Variants in CDH4 observed in about 807,000 individuals in gnomAD.
CDH4 encodes the protein cadherin 4, also known as cadherin-4.
A neutral mutation model predicts 86.0 loss-of-function variants in CDH4; 33 were observed. The ratio of observed to expected loss-of-function variants is 0.38; its 90% CI spans 0.29 to 0.51. The LOEUF (loss-of-function observed/expected upper bound fraction) is 0.51. Ranked by LOEUF, CDH4 falls within the 20% of genes least tolerant of loss-of-function variation. The pLI is 0.86. For missense variants in CDH4, 1,114 were observed against 1,307.4 expected, an observed-to-expected ratio of 0.85 and a Z score of 2.28; for synonymous variants, 555 against 549.4, an observed-to-expected ratio of 1.01 and a Z score of -0.14.
chr20:61,598,904 G>A (rs1306190669), intron 2 of CDH4, among the ~76,000 whole-genome samples: 2 of 152,238 alleles, frequency 1.3e-5, no homozygotes, highest in African/African-American at 4.8e-5. Context: ...ACACTGCGCA[G>A]CCTGGGCGTC....
At chr20:61,924,685 A>C (rs1236187044) in intron 11 of CDH4, among the ~76,000 whole-genome samples, 1 of 146,988 alleles carries the variant, frequency 6.8e-6, no homozygotes, top group Non-Finnish European at 1.5e-5. Flanking sequence ...CCCTCCACCC[A>C]CTCCCATGTC....
At chr20:61,543,372 T>C (rs568691151) in intron 2 of CDH4, among the ~76,000 whole-genome samples, 7 of 152,364 alleles carry the variant, frequency 4.6e-5, no homozygotes, top group African/African-American at 1.4e-4. Flanking sequence ...GACGTGACTC[T>C]GTAAACTATG....
chr20:61,313,380 T>A (rs2084458347), intron 2 of CDH4, among the ~76,000 whole-genome samples: 1 of 152,196 alleles, frequency 6.6e-6, no homozygotes. Context: ...CCGGGAAGCC[T>A]ACACAGCTCC....
chr20:61,786,564 C>T (rs1331960895), intron 4 of CDH4, among the ~76,000 whole-genome samples: 1 of 152,118 alleles, frequency 6.6e-6, no homozygotes, highest in East Asian at 1.9e-4. Context: ...TCTTGAAATG[C>T]TTTAATGGCT....
intron 2 of CDH4, among the ~76,000 whole-genome samples, chr20:61,526,337 G>C (rs942459534): frequency 2.6e-5 from 4 of 152,030 alleles, no homozygotes; most frequent in Non-Finnish European, 5.9e-5. Flanking sequence ...TCTAAAACAC[G>C]AGTCCCCCAC....
chr20:61,559,189 A>G (rs1357247114), intron 2 of CDH4, among the ~76,000 whole-genome samples: 4 of 152,144 alleles, frequency 2.6e-5, no homozygotes, highest in African/African-American at 9.7e-5. Flanking sequence ...GTGGTGGCTT[A>G]TGCTTCTAAT....
chr20:61,869,733 A>G (rs1372039383), intron 6 of CDH4, among the ~76,000 whole-genome samples: 1 of 152,110 alleles, frequency 6.6e-6, no homozygotes, highest in Non-Finnish European at 1.5e-5. Context: ...TCCTCCCTAC[A>G]TGAAATCACA....
At chr20:61,527,426 T>G (rs1445512178) in intron 2 of CDH4, among the ~76,000 whole-genome samples, 6 of 152,152 alleles carry the variant, frequency 3.9e-5, no homozygotes, top group African/African-American at 1.2e-4. Flanking sequence ...ATTTTTGTAT[T>G]TTTAGTAGAG....
At chr20:61,477,490 A>G (rs1291822066) in intron 2 of CDH4, among the ~76,000 whole-genome samples, 1 of 152,250 alleles carries the variant, frequency 6.6e-6, no homozygotes, top group Non-Finnish European at 1.5e-5. Flanking sequence ...GCAGGGATGC[A>G]TGCCAATCCA....
chr20:61,472,240 T>C (rs754772917), intron 2 of CDH4, among the ~76,000 whole-genome samples: 6 of 152,240 alleles, frequency 3.9e-5, no homozygotes, highest in Non-Finnish European at 7.3e-5. Context: ...AATTGACCGC[T>C]TTATCACCAT....
intron 2 of CDH4, among the ~76,000 whole-genome samples, chr20:61,562,401 G>GA (rs2086225649): frequency 2.0e-5 from 3 of 148,026 alleles, no homozygotes; most frequent in East Asian, 2.0e-4. Flanking sequence ...CGGAGAGAGA[G>GA]GGGGACCTTC....
chr20:61,423,544 A>G (rs941767725), intron 2 of CDH4, among the ~76,000 whole-genome samples: 2 of 152,150 alleles, frequency 1.3e-5, no homozygotes, highest in African/African-American at 4.8e-5. Flanking sequence ...AATATTGCAA[A>G]CGCACTCGGA....
intron 2 of CDH4, among the ~76,000 whole-genome samples, chr20:61,500,201 A>C (rs1450431276): frequency 6.6e-6 from 1 of 152,182 alleles, no homozygotes; most frequent in African/African-American, 2.4e-5. Flanking sequence ...GTGTTTGTCA[A>C]ATAATGGAAG....
intron 2 of CDH4, among the ~76,000 whole-genome samples, chr20:61,716,956 C>T (rs1402452001): frequency 6.6e-6 from 1 of 152,130 alleles, no homozygotes; most frequent in Non-Finnish European, 1.5e-5. Flanking sequence ...TGATGTATAA[C>T]TGACCTTGAG....
intron 4 of CDH4, among the ~76,000 whole-genome samples, chr20:61,806,993 A>T (rs1206488371): frequency 6.6e-6 from 1 of 152,184 alleles, no homozygotes; most frequent in East Asian, 1.9e-4. Context: ...ACACTTTGAC[A>T]GGGGATCTTT....
At chr20:61,855,002 T>G (rs1299537106) in intron 6 of CDH4, among the ~76,000 whole-genome samples, 4 of 77,764 alleles carry the variant, frequency 5.1e-5, no homozygotes, top group Non-Finnish European at 2.5e-5. Flanking sequence ...GGGTGAATTG[T>G]GCCCTTGGCC....
intron 2 of CDH4, among the ~76,000 whole-genome samples, chr20:61,259,870 T>G (rs2084119480): frequency 1.3e-5 from 2 of 152,214 alleles, no homozygotes; most frequent in Admixed American, 6.5e-5. Context: ...AGGAACAAAC[T>G]GAGCTGGCCA....
intron 2 of CDH4, among the ~76,000 whole-genome samples, chr20:61,439,196 C>T (rs1195083402): frequency 7.1e-6 from 1 of 139,936 alleles, no homozygotes; most frequent in African/African-American, 2.6e-5. Context: ...TCAGGCCTGT[C>T]TTAAAAGCGA....
intron 2 of CDH4, among the ~76,000 whole-genome samples, chr20:61,534,493 G>A (rs1174608071): frequency 2.6e-5 from 4 of 152,122 alleles, no homozygotes; most frequent in African/African-American, 9.7e-5. Flanking sequence ...CGTGATCGGA[G>A]GCTGAGAGCC....
Sources: gnomAD v4.1 joint callset for allele counts (sites outside exome capture counted in the v4.1 genomes callset) on GRCh38, gnomAD v4.1.1 for gene constraint, MANE v1.5 for transcripts, NCBI Gene and HGNC (gene_info 2026-07-23, HGNC 2026-07-21) for gene names.